CENPM: variants seen among roughly 807,000 people sequenced by gnomAD.
CENPM encodes the protein interphase centromere complex protein 39.
In CENPM, 14 loss-of-function variants were observed where a neutral mutation model predicts 19.6. The observed-to-expected ratio is 0.71, with a 90% CI of 0.47 to 1.11. The LOEUF is 1.11. CENPM is among the 50% of genes most tolerant of loss of function. The probability of loss-of-function intolerance (pLI) is 0.00; values close to 1 mark genes in which losing one functional copy is unlikely to be tolerated. For synonymous variants in CENPM, 114 were observed against 101.5 expected (o/e 1.12, Z -0.74); for missense variants, 239 against 228.4 (o/e 1.05, Z -0.30).
intron 5 of CENPM, 28 bp downstream of exon 5, chr22:41,943,582 T>C (rs2077762548): frequency 6.3e-7 from 1 of 1,594,624 alleles, no homozygotes; most frequent in Non-Finnish European, 8.6e-7. Context: ...CCGAGTATAG[T>C]GTTGGTCTCT....
At chr22:41,938,729 G>A, downstream of CENPM, 1 of 255,428 alleles carries the variant, frequency 3.9e-6, no homozygotes, top group Non-Finnish European at 7.5e-6. Flanking sequence ...AGTGGTGAAT[G>A]AGACCAGTGA....
At chr22:41,944,435 CA>C (rs139232803) in intron 4 of CENPM, among the ~76,000 whole-genome samples, 3,312 of 70,198 alleles carry the variant, frequency 0.047, 35 homozygotes, top group Middle Eastern at 0.095. Flanking sequence ...GACTCCGTCT[CA>C]AAAAAAAAAA....
chr22:41,943,780 T>C, intron 4 of CENPM, 79 bp from the exon 5 acceptor site: 2 of 1,270,030 alleles, frequency 1.6e-6, no homozygotes. Context: ...GCAGAGTCAC[T>C]CACTTCCCCA....
intron 5 of CENPM, among the ~76,000 whole-genome samples, chr22:41,939,976 G>A (rs2077724061): frequency 6.6e-6 from 1 of 151,780 alleles, no homozygotes; most frequent in Admixed American, 6.6e-5. Flanking sequence ...GGCAGCCAGA[G>A]GGGTCCATTT....
chr22:41,931,055 C>T, the CENPM span, among the ~76,000 whole-genome samples: 738 of 151,400 alleles, frequency 4.9e-3, 6 homozygotes, highest in Middle Eastern at 0.021. Context: ...AGGCTGGTCT[C>T]GAACTCCTGG....
At chr22:41,943,796 G>T in intron 4 of CENPM, 95 bp from the exon 5 acceptor site, 1 of 1,098,924 alleles carries the variant, frequency 9.1e-7, no homozygotes, top group Non-Finnish European at 1.3e-6. Flanking sequence ...CCCCACTCTG[G>T]GGCTCAGTTT....
At chr22:41,929,701 T>C in the CENPM span, among the ~76,000 whole-genome samples, 1 of 151,518 alleles carries the variant, frequency 6.6e-6, no homozygotes, top group East Asian at 2.0e-4. Flanking sequence ...GCGCTCCCTA[T>C]GTGCTGGGCC....
chr22:41,930,515 T>G, the CENPM span, among the ~76,000 whole-genome samples: 1 of 151,710 alleles, frequency 6.6e-6, no homozygotes, highest in East Asian at 1.9e-4. Flanking sequence ...TTTCTTTTCT[T>G]TTTTTTTGAG....
Position 41,943,591 on chromosome 22 carries a change from CTG to C in CENPM, c.402+17_402+18del, listed in dbSNP as rs1387911761. 6.2e-7 allele frequency: 1 copy of C among 1,608,214 alleles called. No homozygotes were observed. The highest frequency in any genetic ancestry group is 8.5e-7 in the Non-Finnish European group (1 of 1,175,594). On this transcript the variant is annotated intron_variant, in intron 5 of 5. Transcript: ENST00000215980. ...CCGCACCCGAGTATAGTGTTGGTCT[CTG>C]TGATCAGCATGCTCACCTCCAGGTC... is the stretch of plus-strand genomic sequence containing the variant.
the CENPM span, among the ~76,000 whole-genome samples, chr22:41,930,536 A>C: frequency 6.7e-6 from 1 of 148,650 alleles, no homozygotes; most frequent in Non-Finnish European, 1.5e-5. Flanking sequence ...ATGGAGTTTC[A>C]CTCTTATCGC....
the CENPM span, chr22:41,928,173 C>A: frequency 2.3e-6 from 1 of 430,674 alleles, no homozygotes; most frequent in Non-Finnish European, 4.6e-6. The surrounding 1 kb of genome is among the most constrained non-coding windows in gnomAD (Gnocchi z 4.0). Flanking sequence ...GAAGATCTGC[C>A]TATGAGTGAG....
chr22:41,934,912 A>G (rs1397760091), downstream of CENPM, among the ~76,000 whole-genome samples: 1 of 152,158 alleles, frequency 6.6e-6, no homozygotes, highest in Non-Finnish European at 1.5e-5. Context: ...CCCTCAGCCA[A>G]ACTGTCTCCT....
chr22:41,946,891 C>G (rs947747581), intron 1 of CENPM, 129 bp downstream of exon 1: 1 of 901,748 alleles, frequency 1.1e-6, no homozygotes, highest in Non-Finnish European at 1.8e-6. Flanking sequence ...CATGGCTCTC[C>G]GCCTATTCCC....
downstream of CENPM, among the ~76,000 whole-genome samples, chr22:41,937,154 C>G (rs912368758): frequency 6.6e-6 from 1 of 152,148 alleles, no homozygotes; most frequent in African/African-American, 2.4e-5. Flanking sequence ...TCCAATTAGA[C>G]CCAAGGGAGA....
chr22:41,946,686 G>A (rs979709570), intron 1 of CENPM, 190 bp from the exon 2 acceptor site: 1 of 605,718 alleles, frequency 1.7e-6, no homozygotes, highest in Non-Finnish European at 2.9e-6. Context: ...CTGCAGGCCT[G>A]TGGGCACCGC....
chr22:41,929,053 G>A, the CENPM span, among the ~76,000 whole-genome samples: 1 of 151,926 alleles, frequency 6.6e-6, no homozygotes, highest in East Asian at 2.0e-4. Context: ...GCGGAGGGGA[G>A]CTGCAAAGGA....
chr22:41,945,169 C>T (rs746700348), intron 4 of CENPM, 56 bp downstream of exon 4: 45 of 1,612,362 alleles, frequency 2.8e-5, no homozygotes, highest in Middle Eastern at 1.7e-4. Context: ...AGCCTACGGC[C>T]GCCCCAGCTT....
intron 5 of CENPM, chr22:41,940,306 C>T (rs867286298): frequency 4.8e-6 from 3 of 624,414 alleles, no homozygotes; most frequent in Middle Eastern, 2.5e-4. Flanking sequence ...TGCCTGTTTA[C>T]CACCACCTGA....
At chr22:41,945,376 T>C (rs1442143712) in intron 3 of CENPM, 72 bp from the exon 4 acceptor site, 1 of 1,598,146 alleles carries the variant, frequency 6.3e-7, no homozygotes, top group Non-Finnish European at 8.5e-7. Context: ...GCAGAAGTCC[T>C]TGCTTCTCTG....
Sources: gnomAD v4.1 joint callset for allele counts (sites outside exome capture counted in the v4.1 genomes callset) on GRCh38, gnomAD v4.1.1 for gene constraint, Gnocchi (gnomAD v3.1) non-coding constraint, MANE v1.5 for transcripts, NCBI Gene and HGNC (gene_info 2026-07-23, HGNC 2026-07-21) for gene names.